TRPV1: variants seen among roughly 807,000 people sequenced by gnomAD.
The protein encoded by TRPV1 is OTRPC1.
TRPV1 carries 82 observed loss-of-function variants against 82.3 expected under a neutral mutation model. The ratio of observed to expected loss-of-function variants is 1.00; its 90% confidence interval spans 0.83 to 1.20. The LOEUF is 1.20. TRPV1 is among the 50% of genes most tolerant of loss of function. The pLI, the probability that TRPV1 is intolerant of heterozygous loss-of-function variation, is 0.00. For missense variants in TRPV1, 1,067 were observed against 1,096.8 expected, an observed-to-expected ratio of 0.97 and a Z score of 0.38; for synonymous variants, 515 against 467.7, an observed-to-expected ratio of 1.10 and a Z score of -1.30.
intron 10 of TRPV1, among the ~76,000 whole-genome samples, chr17:3,581,738 A>C (rs1191876077): frequency 6.9e-6 from 1 of 144,924 alleles, no homozygotes; most frequent in African/African-American, 2.5e-5. Flanking sequence ...TACAAAAATT[A>C]GCCGGGCGCG....
chr17:3,599,056 A>G (rs2075243207), intron 2 of TRPV1, among the ~76,000 whole-genome samples: 1 of 151,412 alleles, frequency 6.6e-6, no homozygotes, highest in African/African-American at 2.4e-5. Context: ...CCTGACCAAC[A>G]TGGTGAAACC....
chr17:3,583,494 A>T, intron 9 of TRPV1, 64 bp from the exon 10 acceptor site: 5 of 1,290,500 alleles, frequency 3.9e-6, no homozygotes, highest in Non-Finnish European at 5.5e-6. Flanking sequence ...AACATGGACC[A>T]GGTCCATGAA....
At chr17:3,606,544 G>A (rs564581652) in intron 2 of TRPV1, among the ~76,000 whole-genome samples, 9 of 152,254 alleles carry the variant, frequency 5.9e-5, no homozygotes, top group African/African-American at 1.7e-4. Context: ...CTGACGGCCA[G>A]CAAAGGAGCC....
Position 3,567,541 on chromosome 17 carries a change from C to T in TRPV1, c.2348-554G>A, listed in dbSNP as rs551596365. On this transcript the variant is annotated intron_variant, in intron 16 of 16. Coordinates refer to ENST00000572705, the MANE Select transcript of TRPV1 (RefSeq NM_080704.4). Reference sequence around the variant, plus strand: ...GTTCCTTAAATTCTCTTCCTCCATCCCACCCCGACTTGCTTGCAGCCTCAG... The same window carrying T: ...GTTCCTTAAATTCTCTTCCTCCATCTCACCCCGACTTGCTTGCAGCCTCAG... Among the ~76,000 whole-genome samples, 4 of 152,182 alleles carry T rather than the reference C, an allele frequency of 2.6e-5. No homozygotes were observed. The East Asian group carries it at 7.7e-4, about 29-fold the overall frequency.
At position 3,573,886 on chromosome 17, in the gene TRPV1, C is replaced by G. The variant is rs1325921318; in HGVS notation, c.1850G>C (p.Arg617Pro). ...ATCGGGGGGCCTGCAGGCAGGCCCCCGCCACCTGTGCGACGTGGACTCAGA... is the reference window on the plus strand; with the variant it reads ...ATCGGGGGGCCTGCAGGCAGGCCCCGGCCACCTGTGCGACGTGGACTCAGA... The part of the protein sequence containing the change: ...LPSESTSHRW[R>P]GPACRPPDSS... The change falls in exon 14 of 17, where the codon CGG becomes CCG. Residue 617 changes from arginine to proline, a missense_variant. Coordinates refer to ENST00000572705, the MANE Select transcript of TRPV1 (RefSeq NM_080704.4). 6.2e-7 allele frequency: 1 copy of G among 1,611,564 alleles called. No homozygotes were observed. Among genetic ancestry groups the G allele is most frequent in the Non-Finnish European group, 8.5e-7 (1 of 1,179,472 alleles).
rs532363085 is a variant in TRPV1, at chr17:3,598,241, T to A, written c.-33-5858A>T. On this transcript the variant is annotated intron_variant, in intron 2 of 16. Transcript: ENST00000572705. ...GGTCCAGCCTGGAATAAGCAGCCACTGCCAGGGAGGCCCTCGTAACCCTGC... is the reference window on the plus strand; with the variant it reads ...GGTCCAGCCTGGAATAAGCAGCCACAGCCAGGGAGGCCCTCGTAACCCTGC... Among the ~76,000 whole-genome samples the A allele has an allele frequency of 2.6e-4, 39 of 152,318 alleles. 1 individual carries two copies. In the South Asian group the frequency reaches 6.8e-3, roughly 27 times the overall value.
intron 10 of TRPV1, 122 bp from the exon 11 acceptor site, chr17:3,580,649 T>C: frequency 9.6e-7 from 1 of 1,038,266 alleles, no homozygotes; most frequent in East Asian, 2.4e-5. Context: ...GCACAGATTG[T>C]GAAAAGAGCA....
At position 3,589,885 on chromosome 17, in the gene TRPV1, CG is replaced by C. The variant is rs770860712; in HGVS notation, c.965del (p.Pro322ArgfsTer3). The C allele has an allele frequency of 6.2e-6, 10 of 1,610,594 alleles. No individual in the cohort carries two copies. Among genetic ancestry groups the C allele is most frequent in the Non-Finnish European group, 8.5e-6 (10 of 1,178,648 alleles). On this transcript the variant is annotated frameshift_variant, in exon 7 of 17. Coordinates refer to ENST00000572705, the MANE Select transcript of TRPV1 (RefSeq NM_080704.4). LOFTEE classifies it high-confidence loss of function. ...TGGTGAGCTCCTCCAGCTTCAGCGT[CG>C]GGTGCAGTTTGGCCCCCAGCATCAG... ...EILMLGAKLH[P>X]TLKLEELTNK...
intron 9 of TRPV1, among the ~76,000 whole-genome samples, chr17:3,584,509 A>C (rs1399562147): frequency 5.3e-5 from 8 of 150,876 alleles, no homozygotes; most frequent in African/African-American, 1.5e-4. Context: ...TTTAAAGTAA[A>C]TGTGCAGCCG....
chr17:3,592,813 T>C, intron 2 of TRPV1: 1 of 174,606 alleles, frequency 5.7e-6, no homozygotes, highest in Non-Finnish European at 1.2e-5. Flanking sequence ...AGGATCTCGG[T>C]GATGAGGATG....
chr17:3,605,932 CAAACATCAAAGGTTTATTATTT>C (rs2075293648), intron 2 of TRPV1, among the ~76,000 whole-genome samples: 1 of 151,136 alleles, frequency 6.6e-6, no homozygotes, highest in South Asian at 2.1e-4. Flanking sequence ...TCAGTGGCTT[CAAACATCAAAGGTTTATTATTT>C]ATTTATTTAT....
chr17:3,604,962 C>T (rs1035793171), intron 2 of TRPV1, among the ~76,000 whole-genome samples: 11 of 152,180 alleles, frequency 7.2e-5, no homozygotes, highest in Non-Finnish European at 1.0e-4. Context: ...CTGCCCAACA[C>T]GTCCAGCCAC....
intron 10 of TRPV1, among the ~76,000 whole-genome samples, chr17:3,581,926 C>T (rs1171425508): frequency 1.4e-5 from 2 of 144,664 alleles, no homozygotes; most frequent in East Asian, 4.2e-4. Context: ...CACAGTGGCT[C>T]ACACCTGTAA....
rs201612120 is a variant in TRPV1, at chr17:3,573,878, C to T, written c.1858G>A (p.Ala620Thr). Residue 620 changes from alanine (A) to threonine (T), a missense_variant, in exon 14 of 17, where the codon GCC becomes ACC. Physicochemically the swap from Ala to Thr is moderately conservative, Grantham distance 58 (BLOSUM62 0). Transcript: ENST00000572705. The part of the protein sequence containing the change: ...ESTSHRWRGP[A>T]CRPPDSSYNS... ...TAGGAGCTATCGGGGGGCCTGCAGG[C>T]AGGCCCCCGCCACCTGTGCGACGTG... The T allele has an allele frequency of 6.3e-7, 1 of 1,599,838 alleles. No homozygotes were observed.
At chr17:3,577,234 A>G (rs200893310) in intron 12 of TRPV1, 42 bp from the exon 13 acceptor site, 8 of 1,556,758 alleles carry the variant, frequency 5.1e-6, no homozygotes, top group Non-Finnish European at 6.1e-6. Context: ...GGCCAGGCCC[A>G]GGAGGAGCTG....
intron 2 of TRPV1, among the ~76,000 whole-genome samples, chr17:3,593,086 G>C (rs1331890585): frequency 0.011 from 15 of 1,384 alleles, no homozygotes; most frequent in African/African-American, 0.04. Context: ...TTAGGCGTGT[G>C]TGTGTGTGTG....
intron 10 of TRPV1, among the ~76,000 whole-genome samples, chr17:3,582,173 G>A (rs2075028953): frequency 1.0e-5 from 1 of 96,678 alleles, no homozygotes; most frequent in Admixed American, 1.5e-4. Context: ...CTGGGCGAAA[G>A]AGTGAGACTC....
chr17:3,600,854 C>A (rs937125619), intron 2 of TRPV1, among the ~76,000 whole-genome samples: 1 of 152,110 alleles, frequency 6.6e-6, no homozygotes, highest in African/African-American at 2.4e-5. Flanking sequence ...CCGTCCGCAG[C>A]CTTATCTTCT....
intron 2 of TRPV1, among the ~76,000 whole-genome samples, chr17:3,602,696 G>A (rs1243367394): frequency 2.6e-5 from 4 of 152,206 alleles, no homozygotes; most frequent in Non-Finnish European, 5.9e-5. Context: ...GTCGCTAATG[G>A]TGACAGTTTT....
Sources: allele counts gnomAD v4.1 joint callset (sites outside exome capture counted in the v4.1 genomes callset), GRCh38; gene constraint gnomAD v4.1.1; transcripts MANE v1.5; gene names NCBI Gene and HGNC (gene_info 2026-07-23, HGNC 2026-07-21).